Variants in TXNDC11 observed in about 807,000 individuals in gnomAD.
The protein encoded by TXNDC11 is thioredoxin domain-containing protein 11.
TXNDC11 carries 68 observed loss-of-function variants against 78.0 expected under a neutral mutation model. That is an observed-to-expected ratio of 0.87 (90% CI 0.72 to 1.07). TXNDC11 has a LOEUF of 1.07. Among genes scored for constraint, TXNDC11 ranks in the 50% least tolerant of loss-of-function variants. The pLI, the probability that TXNDC11 is intolerant of heterozygous loss-of-function variation, is 0.00. For missense variants in TXNDC11, 1,389 were observed against 1,221.8 expected, an observed-to-expected ratio of 1.14 and a Z score of -2.04; for synonymous variants, 571 against 495.2, an observed-to-expected ratio of 1.15 and a Z score of -2.03.
chr16:11,704,238 T>C (rs1597443514), intron 5 of TXNDC11, among the ~76,000 whole-genome samples: 1 of 152,058 alleles, frequency 6.6e-6, no homozygotes, highest in Admixed American at 6.5e-5. Context: ...CAGAATAAGA[T>C]AAATACCCAT....
At chr16:11,730,949 A>G (rs1597490478) in intron 3 of TXNDC11, among the ~76,000 whole-genome samples, 175 bp from the exon 4 acceptor site, 1 of 152,340 alleles carries the variant, frequency 6.6e-6, no homozygotes, top group Non-Finnish European at 1.5e-5. Context: ...CAGAGAATTA[A>G]GAACAAGCAT....
At chr16:11,711,198 G>A (rs561394517) in intron 5 of TXNDC11, among the ~76,000 whole-genome samples, 5 of 152,310 alleles carry the variant, frequency 3.3e-5, no homozygotes, top group African/African-American at 1.2e-4. Context: ...CACCTCAGTA[G>A]AGCAGAGGAG....
Position 11,717,002 on chromosome 16 carries a change from G to T in TXNDC11, c.793+4575C>A, listed in dbSNP as rs144160593. Among the ~76,000 whole-genome samples the T allele has an allele frequency of 2.1e-3, 320 of 151,564 alleles. 1 individual carries two copies. Among genetic ancestry groups the T allele is most frequent in the African/African-American group, 7.3e-3 (300 of 41,294 alleles). On this transcript the variant is annotated intron_variant, in intron 5 of 11. Coordinates refer to ENST00000283033, the MANE Select transcript of TXNDC11 (RefSeq NM_015914.7). ...TAAATGAGAGAGGGAAAAATCAACT[G>T]TGCTCTATATTTTAAGCCAAAGTAA...
rs771634495 is a variant in TXNDC11, at chr16:11,734,094, A to G, written c.472-15T>C. ...ACAAACAACACCTGCAGAGCCAAAA[A>G]AGGTTTTCAAATGACTATGAATAAC... On this transcript the variant is annotated splice_polypyrimidine_tract_variant and intron_variant, in intron 2 of 11. Transcript: ENST00000283033. The G allele has an allele frequency of 5.2e-6, 8 of 1,550,236 alleles. No homozygotes were observed. The South Asian group carries it at 9.6e-5, about 19-fold the overall frequency.
At chr16:11,690,337 A>G (rs555436026) in intron 8 of TXNDC11, among the ~76,000 whole-genome samples, 1 of 152,304 alleles carries the variant, frequency 6.6e-6, no homozygotes, top group South Asian at 2.1e-4. Flanking sequence ...CTCATCATGG[A>G]GCCTTACTCC....
At chr16:11,698,388 C>T in intron 6 of TXNDC11, 63 bp from the exon 7 acceptor site, 2 of 1,473,244 alleles carry the variant, frequency 1.4e-6, no homozygotes, top group Non-Finnish European at 1.9e-6. Flanking sequence ...GCTCAAGGCA[C>T]ATCAGTGCTG....
At chr16:11,688,086 T>C in intron 9 of TXNDC11, 120 bp from the exon 10 acceptor site, 1 of 953,322 alleles carries the variant, frequency 1.0e-6, no homozygotes, top group Non-Finnish European at 1.6e-6. Flanking sequence ...AATATTACAG[T>C]GAAAATTTTC....
At chr16:11,715,507 A>G (rs1448289802) in intron 5 of TXNDC11, among the ~76,000 whole-genome samples, 4 of 151,660 alleles carry the variant, frequency 2.6e-5, no homozygotes, top group Non-Finnish European at 5.9e-5. Context: ...AAATTCCTAC[A>G]CTATGGTCTA....
chr16:11,703,531 C>T, intron 5 of TXNDC11: 1 of 546,450 alleles, frequency 1.8e-6, no homozygotes, highest in Non-Finnish European at 3.3e-6. Context: ...CACACACACA[C>T]ACACACACAC....
At chr16:11,691,013 T>G (rs1391166855) in intron 8 of TXNDC11, 5 of 451,544 alleles carry the variant, frequency 1.1e-5, no homozygotes, top group African/African-American at 6.0e-5. Context: ...CTTAGACATG[T>G]GACAGAAATC....
At chr16:11,717,348 G>C (rs903832198) in intron 5 of TXNDC11, among the ~76,000 whole-genome samples, 7 of 137,502 alleles carry the variant, frequency 5.1e-5, no homozygotes, top group Admixed American at 2.4e-4. Context: ...TGAGGCATGA[G>C]AATCCCTTGA....
At position 11,698,154 on chromosome 16, in the gene TXNDC11, G is replaced by A; in HGVS notation, c.1078C>T (p.Leu360=). ...ALFLFIPFNP[L]AESHPLIDEI... is the part of the protein sequence containing the mutation. ...TCTATTAAAGGATGACTTTCGGCCA[G>A]GGGATTAAAAGGTATGAACAGAAAC... Residue 360 remains leucine (L), a synonymous_variant, in exon 7 of 12, where the codon CTG becomes TTG. Coordinates refer to ENST00000283033, the MANE Select transcript of TXNDC11 (RefSeq NM_015914.7). 1.9e-6 allele frequency: 3 copies of A among 1,614,218 alleles called. No individual in the cohort carries two copies. The highest frequency in any genetic ancestry group is 8.5e-7 in the Non-Finnish European group (1 of 1,180,026).
chr16:11,679,223 T>A lies in TXNDC11; in HGVS notation c.2849A>T (p.Glu950Val). ...GTCTGTCCTGTTCTCCTTATTCCTTTCAGACACCAGTGTGGCGCTGACATT... is the reference window on the plus strand; with the variant it reads ...GTCTGTCCTGTTCTCCTTATTCCTTACAGACACCAGTGTGGCGCTGACATT... ...PANVSATLVS[E>V]RNKENRTD The change falls in exon 12 of 12, where the codon GAA (glutamate) becomes GTA (valine). Residue 950 changes from glutamate (E) to valine (V), a missense_variant. Physicochemically the swap from Glu to Val is moderately radical, Grantham distance 121. Transcript: ENST00000283033. The surrounding 1 kb of genome is among the most constrained non-coding windows in gnomAD (Gnocchi z 4.6). 1 of 1,613,882 alleles carries A rather than the reference T, an allele frequency of 6.2e-7. No individual in the cohort carries two copies. Among genetic ancestry groups the A allele is most frequent in the East Asian group, 2.2e-5 (1 of 44,886 alleles).
In TXNDC11 at chr16:11,692,911, G is replaced by A. The variant is rs145513299; in HGVS notation, c.1108-829C>T. ...TACGGAGTCCTGGCTGGGGACACCG[G>A]CTCCTCCATCTGTTCCCAAGGCCCA... On this transcript the variant is annotated intron_variant, in intron 7 of 11. Coordinates refer to ENST00000283033, the MANE Select transcript of TXNDC11 (RefSeq NM_015914.7). Among the ~76,000 whole-genome samples the A allele has an allele frequency of 4.8e-3, 735 of 152,200 alleles. 10 individuals carry two copies. The highest frequency in any genetic ancestry group is 0.017 in the African/African-American group (712 of 41,518).
chr16:11,680,001 T>G (rs966830022), intron 11 of TXNDC11, among the ~76,000 whole-genome samples, 164 bp from the exon 12 acceptor site: 6 of 152,378 alleles, frequency 3.9e-5, no homozygotes, highest in Non-Finnish European at 8.8e-5. Flanking sequence ...CAAGAAATTC[T>G]CTACAAAGCT....
intron 6 of TXNDC11, 44 bp from the exon 7 acceptor site, chr16:11,698,369 G>A: frequency 1.3e-6 from 2 of 1,576,332 alleles, no homozygotes; most frequent in Non-Finnish European, 1.7e-6. Flanking sequence ...AGCTCGTGAG[G>A]TGGGGCAAGC....
chr16:11,715,283 C>T (rs1342580042), intron 5 of TXNDC11, among the ~76,000 whole-genome samples: 2 of 152,064 alleles, frequency 1.3e-5, no homozygotes, highest in African/African-American at 4.8e-5. Context: ...TATTTAGGTA[C>T]CATGTGAATT....
At chr16:11,698,626 C>T (rs1218812003) in intron 6 of TXNDC11, among the ~76,000 whole-genome samples, 1 of 152,226 alleles carries the variant, frequency 6.6e-6, no homozygotes, top group Non-Finnish European at 1.5e-5. Flanking sequence ...CGATAACAAC[C>T]TCTATCACCC....
chr16:11,685,831 T>C (rs532968482), intron 10 of TXNDC11, among the ~76,000 whole-genome samples: 8 of 152,354 alleles, frequency 5.3e-5, no homozygotes, highest in Admixed American at 3.9e-4. Flanking sequence ...TTAAATGCTT[T>C]TTCTCACTTG....
Sources: allele counts gnomAD v4.1 joint callset (sites outside exome capture counted in the v4.1 genomes callset), GRCh38; gene constraint gnomAD v4.1.1; non-coding constraint Gnocchi (gnomAD v3.1); transcripts MANE v1.5; gene names NCBI Gene and HGNC (gene_info 2026-07-23, HGNC 2026-07-21).